CNTNAP2: variants seen among roughly 807,000 people sequenced by gnomAD.
CNTNAP2 encodes contactin-associated protein-like 2.
A neutral mutation model predicts 155.2 loss-of-function variants in CNTNAP2; 98 were observed. The ratio of observed to expected loss-of-function variants is 0.63; its 90% CI spans 0.54 to 0.75. The LOEUF (loss-of-function observed/expected upper bound fraction) is 0.75, where lower values mean the gene tolerates loss of function less well. Ranked by LOEUF, CNTNAP2 falls within the 30% of genes least tolerant of loss-of-function variation. The pLI is 0.00. For synonymous variants in CNTNAP2, 651 were observed against 631.2 expected, an observed-to-expected ratio of 1.03 and a Z score of -0.47; for missense variants, 1,727 against 1,688.1, an observed-to-expected ratio of 1.02 and a Z score of -0.40.
At chr7:147,817,597 G>A (rs1798287353) in intron 13 of CNTNAP2, among the ~76,000 whole-genome samples, 1 of 151,720 alleles carries the variant, frequency 6.6e-6, no homozygotes, top group Non-Finnish European at 1.5e-5. Context: ...TAACTTATGG[G>A]AAAAAATTTA....
intron 1 of CNTNAP2, among the ~76,000 whole-genome samples, chr7:146,288,860 A>G (rs1462532869): frequency 8.5e-6 from 1 of 117,962 alleles, no homozygotes; most frequent in African/African-American, 3.4e-5. Flanking sequence ...GCTGGAGTGT[A>G]GTGGTGCACT....
intron 8 of CNTNAP2, among the ~76,000 whole-genome samples, chr7:147,189,685 A>C (rs1802638638): frequency 6.6e-6 from 1 of 152,078 alleles, no homozygotes; most frequent in African/African-American, 2.4e-5. Context: ...AAAGAAACAA[A>C]ATTTTTAATC....
intron 1 of CNTNAP2, among the ~76,000 whole-genome samples, chr7:146,501,361 A>T (rs1158945802): frequency 6.7e-6 from 1 of 150,076 alleles, no homozygotes; most frequent in African/African-American, 2.4e-5. Context: ...TGTTGTGGAA[A>T]TTTTTTTTTT....
intron 13 of CNTNAP2, among the ~76,000 whole-genome samples, chr7:147,888,221 G>A (rs2116726970): frequency 6.6e-6 from 1 of 151,902 alleles, no homozygotes; most frequent in East Asian, 1.9e-4. Flanking sequence ...AAATTTTAAA[G>A]AGAAAAGTGG....
At chr7:146,307,403 C>G (rs1800733146) in intron 1 of CNTNAP2, among the ~76,000 whole-genome samples, 1 of 152,110 alleles carries the variant, frequency 6.6e-6, no homozygotes, top group Admixed American at 6.6e-5. Context: ...TGCCATACTG[C>G]CCAAGGTAAT....
chr7:147,352,897 G>A (rs1362100793), intron 9 of CNTNAP2, among the ~76,000 whole-genome samples: 1 of 151,804 alleles, frequency 6.6e-6, no homozygotes. Context: ...GAAAATATTA[G>A]TTTATGAATC....
intron 1 of CNTNAP2, among the ~76,000 whole-genome samples, chr7:146,524,667 G>T (rs1490350992): frequency 6.6e-6 from 1 of 152,098 alleles, no homozygotes; most frequent in Non-Finnish European, 1.5e-5. Context: ...AGAGAGCTCA[G>T]GGTGTCACTA....
intron 10 of CNTNAP2, among the ~76,000 whole-genome samples, chr7:147,401,856 G>C (rs935805456): frequency 5.3e-5 from 8 of 152,156 alleles, no homozygotes; most frequent in Non-Finnish European, 1.0e-4. Flanking sequence ...CTCTCCAGCT[G>C]TGTGGGACTG....
chr7:146,156,343 A>G (rs1410992184), intron 1 of CNTNAP2, among the ~76,000 whole-genome samples: 5 of 152,230 alleles, frequency 3.3e-5, no homozygotes, highest in African/African-American at 7.2e-5. Context: ...ACATTGATAC[A>G]TTGTAAAACA....
At chr7:147,281,382 T>A (rs1040667700) in intron 8 of CNTNAP2, among the ~76,000 whole-genome samples, 2 of 151,836 alleles carry the variant, frequency 1.3e-5, no homozygotes, top group African/African-American at 4.8e-5. Flanking sequence ...ATATGTATAT[T>A]AAGAATTGAT....
chr7:147,413,229 C>T (rs759942988), intron 10 of CNTNAP2, among the ~76,000 whole-genome samples: 2 of 152,098 alleles, frequency 1.3e-5, no homozygotes, highest in Admixed American at 1.3e-4. Context: ...TGGTTTCTAT[C>T]GAAAAATTTA....
intron 1 of CNTNAP2, among the ~76,000 whole-genome samples, chr7:146,370,726 A>G (rs555248958): frequency 1.3e-5 from 2 of 152,288 alleles, no homozygotes; most frequent in East Asian, 1.9e-4. Context: ...CCACAAAATA[A>G]TAAAGACAAA....
intron 2 of CNTNAP2, among the ~76,000 whole-genome samples, chr7:146,790,180 A>G (rs1313498501): frequency 6.6e-6 from 1 of 152,174 alleles, no homozygotes; most frequent in African/African-American, 2.4e-5. Context: ...CATTTGACCA[A>G]ATCTTTCAAA....
At chr7:146,753,657 A>T (rs376545274) in intron 1 of CNTNAP2, among the ~76,000 whole-genome samples, 1 of 152,168 alleles carries the variant, frequency 6.6e-6, no homozygotes, top group East Asian at 1.9e-4. Context: ...GTAAAAATAG[A>T]TTTATTTTTA....
At chr7:148,207,711 AAGAAGGAC>A (rs1795474092) in intron 18 of CNTNAP2, among the ~76,000 whole-genome samples, 1 of 152,146 alleles carries the variant, frequency 6.6e-6, no homozygotes, top group South Asian at 2.1e-4. Flanking sequence ...TTTTAGGTTT[AAGAAGGAC>A]ATGGTTAGAC....
intron 13 of CNTNAP2, among the ~76,000 whole-genome samples, chr7:147,761,924 GA>G (rs915122015): frequency 6.6e-6 from 1 of 151,464 alleles, no homozygotes; most frequent in Non-Finnish European, 1.5e-5. Flanking sequence ...TATGGCATAT[GA>G]AAAAAAATAC....
At chr7:148,061,778 A>G (rs1413425115) in intron 15 of CNTNAP2, among the ~76,000 whole-genome samples, 1 of 151,892 alleles carries the variant, frequency 6.6e-6, no homozygotes, top group Non-Finnish European at 1.5e-5. Flanking sequence ...AGACAATAGG[A>G]ACAAGTCTGT....
chr7:147,036,020 A>C lies in CNTNAP2; in HGVS notation c.403-7887A>C, dbSNP rs564520193. On this transcript the variant is annotated intron_variant, in intron 3 of 23. Coordinates refer to ENST00000361727, the MANE Select transcript of CNTNAP2 (RefSeq NM_014141.6). Reference sequence around the variant, plus strand: ...AACTGTCAACTGGCTGGAAAGTCTTAGACTTGTGCATCCTGTCTAACTTGC... The same window carrying C: ...AACTGTCAACTGGCTGGAAAGTCTTCGACTTGTGCATCCTGTCTAACTTGC... Among the ~76,000 whole-genome samples, 106 of 152,334 alleles carry C rather than the reference A, an allele frequency of 7.0e-4. 1 individual carries two copies. The South Asian group carries it at 0.017, about 25-fold the overall frequency.
chr7:148,393,190 T>C (rs1311679193), intron 22 of CNTNAP2, among the ~76,000 whole-genome samples: 1 of 152,198 alleles, frequency 6.6e-6, no homozygotes, highest in African/African-American at 2.4e-5. Flanking sequence ...CTGCAAGCAC[T>C]TAAAAGTAAT....
Sources: allele counts gnomAD v4.1 joint callset (sites outside exome capture counted in the v4.1 genomes callset), GRCh38; gene constraint gnomAD v4.1.1; transcripts MANE v1.5; gene names NCBI Gene and HGNC (gene_info 2026-07-23, HGNC 2026-07-21).